Variants in RPL32 observed in about 807,000 individuals in gnomAD.
The protein encoded by RPL32 is ribosomal protein L32.
For missense variants in RPL32, 117 were observed against 173.7 expected, an observed-to-expected ratio of 0.67 and a Z score of 1.83; for synonymous variants, 61 against 62.6, an observed-to-expected ratio of 0.98 and a Z score of 0.12.
At chr3:12,841,364 C>T (rs373231274) in intron 1 of RPL32, 130 bp downstream of exon 1, 3 of 152,304 alleles carry the variant, frequency 2.0e-5, no homozygotes, top group Non-Finnish European at 4.4e-5. Flanking sequence ...TGTTCCTGTA[C>T]ACGCTCCAGT....
chr3:12,841,251 C>T (rs1307915213), intron 1 of RPL32: 2 of 152,342 alleles, frequency 1.3e-5, no homozygotes, highest in Non-Finnish European at 2.9e-5. Context: ...TCAACTAGCA[C>T]CCTCCACCGC....
rs745817678 is a variant in RPL32, at chr3:12,834,836, T to TTAATC, written c.*1253_*1257dup. On this transcript the variant is annotated 3_prime_UTR_variant, in exon 4 of 4. Transcript: ENST00000429711. ...CCTCTGCACGACTCGTCTCCAATTGTTAATCGAATCGCCTGAACCCAGGAG... is the reference window on the plus strand; with the variant it reads ...CCTCTGCACGACTCGTCTCCAATTGTTAATCTAATCGAATCGCCTGAACCCAGGAG... 6.6e-6 allele frequency: 1 copy of TTAATC among 152,186 alleles called. No individual in the cohort carries two copies. Among genetic ancestry groups the TTAATC allele is most frequent in the Non-Finnish European group, 1.5e-5 (1 of 68,036 alleles). The allele number at this position is 152,186 out of a possible 1,614,324, so 9.4% of individuals were successfully genotyped here.
In RPL32 at chr3:12,834,995, A is replaced by ATAT. The variant is rs2062088254; in HGVS notation, c.*1098_*1099insATA. 6.6e-6 allele frequency: 1 copy of ATAT among 152,206 alleles called. No individual in the cohort carries two copies. The highest frequency in any genetic ancestry group is 1.5e-5 in the Non-Finnish European group (1 of 68,036). The allele number at this position is 152,206 out of a possible 1,614,324, so 9.4% of individuals were successfully genotyped here. A position where few individuals can be genotyped will look rare whatever the true frequency, so the allele number is the denominator to read the frequency against. ...ATGACTAGGTTTTGAACAGGAGACAATCTGTAAGATTCCTGTCTAGACTAG... is the reference window on the plus strand; with the variant it reads ...ATGACTAGGTTTTGAACAGGAGACAATATTCTGTAAGATTCCTGTCTAGACTAG... On this transcript the variant is annotated 3_prime_UTR_variant, in exon 4 of 4. Coordinates refer to ENST00000429711, the MANE Select transcript of RPL32 (RefSeq NM_000994.4).
Position 12,839,453 on chromosome 3 carries a change from A to G in RPL32, c.174T>C (p.Ile58=), listed in dbSNP as rs779400272. The G allele has an allele frequency of 1.9e-6, 3 of 1,614,148 alleles. No homozygotes were observed. Among genetic ancestry groups the G allele is most frequent in the South Asian group, 2.2e-5 (2 of 91,084 alleles). Residue 58 remains isoleucine (I), a synonymous_variant, in exon 3 of 4, where the codon ATT becomes ATC. Coordinates refer to ENST00000429711, the MANE Select transcript of RPL32 (RefSeq NM_000994.4). The part of the protein sequence containing the change: ...RFKGQILMPN[I]GYGSNKKTKH... ...TTGTTTTTTTGTTGCTTCCATAACC[A>G]ATGTTGGGCATCAAGATCTGGCCCT...
At chr3:12,839,638 G>T (rs1368201982) in intron 2 of RPL32, 108 bp from the exon 3 acceptor site, 1 of 1,084,266 alleles carries the variant, frequency 9.2e-7, no homozygotes, top group Non-Finnish European at 1.4e-6. Context: ...CCACACAGTA[G>T]TTGCCTTTGG....
At chr3:12,836,554 A>G (rs1164523731) in intron 3 of RPL32, among the ~76,000 whole-genome samples, 1 of 152,198 alleles carries the variant, frequency 6.6e-6, no homozygotes, top group Admixed American at 6.5e-5. Context: ...CTCCAGGTTC[A>G]AAGGTTCTCC....
chr3:12,836,884 G>T (rs1484420447), intron 3 of RPL32, among the ~76,000 whole-genome samples: 1 of 152,188 alleles, frequency 6.6e-6, no homozygotes. Flanking sequence ...CAGTGGTTAA[G>T]AACAGACATT....
chr3:12,837,634 A>G (rs553355498), intron 3 of RPL32, among the ~76,000 whole-genome samples: 1 of 152,340 alleles, frequency 6.6e-6, no homozygotes, highest in East Asian at 1.9e-4. Context: ...TAAATTTCCA[A>G]TCTTGGAAGG....
At chr3:12,836,270 C>G (rs778410581) in intron 3 of RPL32, 47 bp from the exon 4 acceptor site, 1 of 1,598,310 alleles carries the variant, frequency 6.3e-7, no homozygotes, top group African/African-American at 1.3e-5. Context: ...CCTCAACACA[C>G]TTGGAAAATT....
chr3:12,839,232 G>C, intron 3 of RPL32, 117 bp downstream of exon 3: 1 of 863,076 alleles, frequency 1.2e-6, no homozygotes. Context: ...TTCCCTCAGA[G>C]AATGTACAAC....
intron 3 of RPL32, chr3:12,839,127 T>G (rs1482790923): frequency 5.0e-6 from 3 of 599,256 alleles, no homozygotes; most frequent in Non-Finnish European, 8.9e-6. Flanking sequence ...CTTGGGTCTC[T>G]ACACTTAGAA....
chr3:12,836,135 T>C lies in RPL32; in HGVS notation c.367A>G (p.Thr123Ala). The change falls in exon 4 of 4, where the codon ACC becomes GCC. Residue 123 changes from threonine (T) to alanine (A), a missense_variant. Transcript: ENST00000429711. ...CTGCGCAGCCTGGCATTGGGGTTGG[T>C]GACTCTGATGGCCAGTTGGGCAGCT... ...ERAAQLAIRV[T>A]NPNARLRSEE... 1.2e-6 allele frequency: 2 copies of C among 1,609,004 alleles called. No individual in the cohort carries two copies. The highest frequency in any genetic ancestry group is 1.7e-6 in the Non-Finnish European group (2 of 1,179,944).
chr3:12,841,574 G>C (rs2062153138), upstream of RPL32: 1 of 152,216 alleles, frequency 6.6e-6, no homozygotes, highest in Non-Finnish European at 1.5e-5. Flanking sequence ...CTGATGGGTC[G>C]TAACCCCTGG....
chr3:12,840,564 C>T, intron 1 of RPL32: 1 of 501,694 alleles, frequency 2.0e-6, no homozygotes, highest in Non-Finnish European at 4.0e-6. Flanking sequence ...CCACCAGTGT[C>T]CGAACCCCCA....
rs768554641 is a variant in RPL32, at chr3:12,836,211, G to T, written c.291C>A (p.Ala97=). ...VLLMCNKSYC[A]EIAHNVSSKN... ...TGGAGGAAACATTGTGAGCGATCTC[G>T]GCACAGTAAGATCTGCAAGAGAATC... is the stretch of plus-strand genomic sequence containing the variant. Residue 97 remains alanine, a synonymous_variant, in exon 4 of 4, where the codon GCC becomes GCA. Coordinates refer to ENST00000429711, the MANE Select transcript of RPL32 (RefSeq NM_000994.4). The T allele has an allele frequency of 6.3e-7, 1 of 1,599,908 alleles. No individual in the cohort carries two copies. Among genetic ancestry groups the T allele is most frequent in the Admixed American group, 1.7e-5 (1 of 59,994 alleles).
chr3:12,836,024 A>C lies in RPL32; in HGVS notation c.*70T>G. 6.3e-7 allele frequency: 1 copy of C among 1,581,230 alleles called. No homozygotes were observed. Among genetic ancestry groups the C allele is most frequent in the Non-Finnish European group, 8.6e-7 (1 of 1,161,682 alleles). ...GTTGGCCAAGAAGCTGAAGACTTAA[A>C]ATCAAGGAAGGAAGATGCCAGATGG... On this transcript the variant is annotated 3_prime_UTR_variant, in exon 4 of 4. Transcript: ENST00000429711.
Position 12,837,621 on chromosome 3 carries a change from G to A in RPL32, c.279-1398C>T, listed in dbSNP as rs529876205. On this transcript the variant is annotated intron_variant, in intron 3 of 3. Coordinates refer to ENST00000429711, the MANE Select transcript of RPL32 (RefSeq NM_000994.4). ...AGAAATTTTCAGCATTTCAACGCCTGGTTAAATTTCCAATCTTGGAAGGTA... is the reference window on the plus strand; with the variant it reads ...AGAAATTTTCAGCATTTCAACGCCTAGTTAAATTTCCAATCTTGGAAGGTA... 7.6e-4 allele frequency among the ~76,000 whole-genome samples: 116 copies of A among 152,282 alleles called. 2 individuals carry two copies. In the South Asian group the frequency reaches 0.024, roughly 31 times the overall value.
Position 12,835,757 on chromosome 3 carries a change from G to GGC in RPL32, c.*335_*336dup, listed in dbSNP as rs1461127508. ...TTGTCACCTAACTTTACAAAAGCAA[G>GGC]GCTAAGAATGACTACTTGTGGCTTG... On this transcript the variant is annotated 3_prime_UTR_variant, in exon 4 of 4. Transcript: ENST00000429711. 16 of 224,122 alleles carry GGC rather than the reference G, an allele frequency of 7.1e-5. No individual in the cohort carries two copies. The highest frequency in any genetic ancestry group is 3.4e-4 in the African/African-American group (15 of 43,820). 13.9% of individuals were successfully genotyped at this position (224,122 alleles called of 1,614,324 possible). A position where few individuals can be genotyped will look rare whatever the true frequency, so the allele number is the denominator to read the frequency against.
At chr3:12,839,639 T>C (rs971099814) in intron 2 of RPL32, 109 bp from the exon 3 acceptor site, 9 of 1,089,808 alleles carry the variant, frequency 8.3e-6, no homozygotes, top group Admixed American at 1.8e-5. Flanking sequence ...CACACAGTAG[T>C]TGCCTTTGGT....
Sources: allele counts gnomAD v4.1 joint callset (sites outside exome capture counted in the v4.1 genomes callset), GRCh38; gene constraint gnomAD v4.1.1; transcripts MANE v1.5; gene names NCBI Gene and HGNC (gene_info 2026-07-23, HGNC 2026-07-21).